IFT88: variants seen among roughly 807,000 people sequenced by gnomAD.
The protein encoded by IFT88 is intraflagellar transport 88, also known as intraflagellar transport protein 88 homolog.
A neutral mutation model predicts 119.5 loss-of-function variants in IFT88; 74 were observed. The ratio of observed to expected loss-of-function variants is 0.62; its 90% CI spans 0.51 to 0.75. The LOEUF (loss-of-function observed/expected upper bound fraction) is 0.75, where lower values mean the gene tolerates loss of function less well. Among genes scored for constraint, IFT88 ranks in the 30% least tolerant of loss-of-function variants. The probability of loss-of-function intolerance (pLI) is 0.00; values close to 1 mark genes in which losing one functional copy is unlikely to be tolerated. For missense variants in IFT88, 961 were observed against 977.7 expected (o/e 0.98, Z 0.23); for synonymous variants, 279 against 316.7 (o/e 0.88, Z 1.26).
chr13:20,582,995 G>A lies in IFT88; in HGVS notation c.129G>A (p.Arg43=), dbSNP rs1302348738. The A allele has an allele frequency of 6.2e-7, 1 of 1,611,790 alleles. No individual in the cohort carries two copies. The highest frequency in any genetic ancestry group is 8.5e-7 in the Non-Finnish European group (1 of 1,178,888). Residue 43 remains arginine (R), a synonymous_variant, in exon 3 of 26, where the codon AGG becomes AGA. Coordinates refer to ENST00000351808, the MANE Select transcript of IFT88 (RefSeq NM_006531.5). ...ATGCAGCTTTTCAGCAAGCTGTGAG[G>A]ACTAGTCATGGCAGAAGACCTCCAG... is the stretch of plus-strand genomic sequence containing the variant. ...ENDAAFQQAV[R]TSHGRRPPIT...
intron 22 of IFT88, 114 bp from the exon 23 acceptor site, chr13:20,663,384 T>C: frequency 6.5e-7 from 1 of 1,537,542 alleles, no homozygotes; most frequent in Non-Finnish European, 8.7e-7. Context: ...AAAAATACTA[T>C]TTGTAAGCAT....
intron 7 of IFT88, among the ~76,000 whole-genome samples, chr13:20,592,772 A>AT: frequency 6.6e-6 from 1 of 152,294 alleles, no homozygotes; most frequent in East Asian, 1.9e-4. Context: ...ACCAGCTCAC[A>AT]TAATTACATA....
intron 13 of IFT88, chr13:20,607,560 A>C: frequency 1.4e-6 from 1 of 724,582 alleles, no homozygotes; most frequent in Non-Finnish European, 2.6e-6. Context: ...TTTCTCCAAA[A>C]AGATCTTGAG....
Position 20,687,125 on chromosome 13 carries a change from A to G in IFT88, c.2243-3580A>G, listed in dbSNP as rs564072296. 1.5e-3 allele frequency among the ~76,000 whole-genome samples: 232 copies of G among 152,238 alleles called. 1 individual carries two copies. The highest frequency in any genetic ancestry group is 5.4e-3 in the African/African-American group (225 of 41,540). On this transcript the variant is annotated intron_variant, in intron 24 of 25. Transcript: ENST00000351808. Reference sequence around the variant, plus strand: ...TCTTAGTATGCATTGCCTTGTAAAAACATTGGTCAAGTCGGGATGTAGTCG... The same window carrying G: ...TCTTAGTATGCATTGCCTTGTAAAAGCATTGGTCAAGTCGGGATGTAGTCG...
In IFT88 at chr13:20,638,437, G is replaced by A. The variant is rs776584659; in HGVS notation, c.1492G>A (p.Gly498Ser). The part of the protein sequence containing the change: ...TNKGNTVFAN[G>S]DYEKAAEFYK... ...TAAAGGGAATACAGTTTTTGCAAAT[G>A]GTGATTATGAGAAGGCCGCTGAATT... Residue 498 changes from glycine (G) to serine (S), a missense_variant, in exon 17 of 26, where the codon GGT (glycine) becomes AGT (serine). Transcript: ENST00000351808. 2 of 1,529,752 alleles carry A rather than the reference G, an allele frequency of 1.3e-6. No individual in the cohort carries two copies. The highest frequency in any genetic ancestry group is 2.8e-5 in the South Asian group (2 of 72,702). The allele number at this position is 1,529,752 out of a possible 1,614,324, so 94.8% of individuals were successfully genotyped here. A position where few individuals can be genotyped will look rare whatever the true frequency, so the allele number is the denominator to read the frequency against.
intron 1 of IFT88, chr13:20,567,868 GTTTTT>G: frequency 1.5e-6 from 1 of 656,536 alleles, no homozygotes; most frequent in South Asian, 2.8e-5. Context: ...TTTTTTGTTT[GTTTTT>G]TTTTTTTCGA....
chr13:20,596,054 G>GTAAAATAAAATAAAATAAAATAAAA (rs59556709), intron 7 of IFT88, 96 bp from the exon 8 acceptor site: 1 of 210,026 alleles, frequency 4.8e-6, no homozygotes. Flanking sequence ...GACCTTGTCT[G>GTAAAATAAAATAAAATAAAATAAAA]TAAAATAAAA....
chr13:20,611,751 C>T (rs1258013880), intron 13 of IFT88, among the ~76,000 whole-genome samples: 2 of 151,934 alleles, frequency 1.3e-5, no homozygotes, highest in Non-Finnish European at 2.9e-5. Context: ...ACTACAGGCG[C>T]CTGCCACCAT....
intron 24 of IFT88, among the ~76,000 whole-genome samples, chr13:20,682,895 C>T (rs893598296): frequency 6.6e-6 from 1 of 152,162 alleles, no homozygotes; most frequent in African/African-American, 2.4e-5. Context: ...AAATGCAAAC[C>T]GTTCACAGTC....
chr13:20,647,644 C>T lies in IFT88; in HGVS notation c.1949+2686C>T, dbSNP rs188735249. On this transcript the variant is annotated intron_variant, in intron 20 of 25. Transcript: ENST00000351808. The stretch of plus-strand genomic sequence containing the variant: ...CTGACTGGTCCACTTAATGTAATTC[C>T]ATTCTTCAGCAGCATTAGGTAATGT... Among the ~76,000 whole-genome samples, 51 of 152,202 alleles carry T rather than the reference C, an allele frequency of 3.4e-4. 1 individual carries two copies. The highest frequency in any genetic ancestry group is 5.9e-4 in the Non-Finnish European group (40 of 68,020).
chr13:20,592,374 C>T lies in IFT88; in HGVS notation c.368C>T (p.Ala123Val). The T allele has an allele frequency of 6.2e-7, 1 of 1,611,414 alleles. No homozygotes were observed. Among genetic ancestry groups the T allele is most frequent in the Non-Finnish European group, 8.5e-7 (1 of 1,178,924 alleles). Residue 123 changes from alanine (A) to valine (V), a missense_variant, in exon 7 of 26, where the codon GCT becomes GTT. Transcript: ENST00000351808. ...FDPLSQSRGP[A>V]SPLEAKKKDS... ...CCCCTTAGTCAGTCAAGGGGCCCTG[C>T]TTCCCCTTTGGAAGCCAAGAAAAAA...
chr13:20,576,838 G>A (rs1300740143), intron 2 of IFT88, among the ~76,000 whole-genome samples: 1 of 152,080 alleles, frequency 6.6e-6, no homozygotes, highest in Non-Finnish European at 1.5e-5. Flanking sequence ...GACAGCTTTG[G>A]CTATTCTGGG....
chr13:20,678,742 A>G (rs147085076), intron 24 of IFT88, among the ~76,000 whole-genome samples: 2,829 of 152,270 alleles, frequency 0.019, 30 homozygotes, highest in South Asian at 0.033. Context: ...CCTGTTTATG[A>G]CAGGCTTAGG....
chr13:20,617,005 G>C (rs772057835), intron 14 of IFT88, among the ~76,000 whole-genome samples: 2 of 151,842 alleles, frequency 1.3e-5, no homozygotes, highest in Non-Finnish European at 2.9e-5. Flanking sequence ...GTGCAGTGGC[G>C]CAATCTCGGC....
rs1266505304 is a variant in IFT88 at position 20,574,459 on chromosome 13, C to G, written c.74C>G (p.Pro25Arg). The G allele has an allele frequency of 6.3e-7, 1 of 1,596,116 alleles. No homozygotes were observed. Among genetic ancestry groups the G allele is most frequent in the South Asian group, 1.1e-5 (1 of 89,858 alleles). Residue 25 changes from proline to arginine, a missense_variant, in exon 2 of 26, where the codon CCA becomes CGA. By Grantham distance (103) the Pro-to-Arg change is moderately radical. Transcript: ENST00000351808. ...TATTCCGGCTATAATGACTACAATC[C>G]AATCTATGATATCGAGGTAACAAAA... ...DLYSGYNDYN[P>R]IYDIEELEND... is the part of the protein sequence containing the mutation.
intron 2 of IFT88, among the ~76,000 whole-genome samples, chr13:20,580,545 A>C (rs1286629709): frequency 6.6e-6 from 1 of 152,032 alleles, no homozygotes; most frequent in Non-Finnish European, 1.5e-5. Flanking sequence ...AAAATAAAAA[A>C]ACCTAAAGAA....
intron 22 of IFT88, among the ~76,000 whole-genome samples, chr13:20,662,064 G>A (rs748083074): frequency 1.3e-4 from 20 of 152,310 alleles, no homozygotes; most frequent in South Asian, 2.1e-4. Flanking sequence ...GTCGGGAGAT[G>A]TATTTGAAAG....
Position 20,638,351 on chromosome 13 carries a change from C to T in IFT88, c.1406C>T (p.Ala469Val). Residue 469 changes from alanine (A) to valine (V), a missense_variant, in exon 17 of 26, where the codon GCC becomes GTC. Ala to Val is a moderately conservative substitution (Grantham distance 64). Transcript: ENST00000351808. The stretch of plus-strand genomic sequence containing the variant: ...ACTTAGGGAAAGGATTTTGCACAAG[C>T]CAGCAGCTATGCAGATATAGCTGTG... ...LYYMGKDFAQ[A>V]SSYADIAVNS... 7.3e-7 allele frequency: 1 copy of T among 1,376,920 alleles called. No individual in the cohort carries two copies. The highest frequency in any genetic ancestry group is 9.5e-7 in the Non-Finnish European group (1 of 1,057,054). 85.3% of individuals were successfully genotyped at this position (1,376,920 alleles called of 1,614,324 possible).
At chr13:20,687,989 G>A (rs1056391710) in intron 24 of IFT88, among the ~76,000 whole-genome samples, 2 of 152,214 alleles carry the variant, frequency 1.3e-5, no homozygotes, top group Non-Finnish European at 2.9e-5. Context: ...AAGAATCCCT[G>A]TCACAAAGCT....
Sources: gnomAD v4.1 joint callset for allele counts (sites outside exome capture counted in the v4.1 genomes callset) on GRCh38, gnomAD v4.1.1 for gene constraint, MANE v1.5 for transcripts, NCBI Gene and HGNC (gene_info 2026-07-23, HGNC 2026-07-21) for gene names.